Variants in CAPSL observed in about 807,000 individuals in gnomAD.
CAPSL encodes calcyphosine like.
Under a neutral mutation model 21.3 loss-of-function variants are expected in CAPSL, and 17 were observed. The observed-to-expected ratio is 0.80, with a 90% CI of 0.55 to 1.20. CAPSL has a LOEUF of 1.20. CAPSL is among the 50% of genes most tolerant of loss of function. The pLI, the probability that CAPSL is intolerant of heterozygous loss-of-function variation, is 0.00. For synonymous variants in CAPSL, 102 were observed against 89.3 expected (o/e 1.14, Z -0.80); for missense variants, 289 against 259.3 (o/e 1.11, Z -0.79).
rs780613084 is a variant in CAPSL at position 35,920,979 on chromosome 5, C to T, written c.137+5G>A. 1.9e-6 allele frequency: 3 copies of T among 1,613,494 alleles called. No individual in the cohort carries two copies. The highest frequency in any genetic ancestry group is 2.2e-5 in the South Asian group (2 of 91,018). On this transcript the variant is annotated splice_donor_5th_base_variant and intron_variant, in intron 2 of 4. Coordinates refer to ENST00000651391, the MANE Select transcript of CAPSL (RefSeq NM_001042625.2). ...CATTCCCTGCCACTTGTAGCTGGGT[C>T]CTACCTGCCAAGTCCTTTGATCCCA...
intron 1 of CAPSL, among the ~76,000 whole-genome samples, chr5:35,923,889 T>C (rs538312181): frequency 4.6e-5 from 7 of 152,342 alleles, no homozygotes; most frequent in South Asian, 2.1e-4. Context: ...ATTTATGTTA[T>C]GTGTATTCAT....
chr5:35,926,228 T>C (rs1738679825), intron 1 of CAPSL, among the ~76,000 whole-genome samples: 1 of 151,882 alleles, frequency 6.6e-6, no homozygotes, highest in Admixed American at 6.6e-5. Context: ...GAAGAAGAGA[T>C]AGGAGATGGC....
At chr5:35,933,847 A>T (rs988986064) in intron 1 of CAPSL, among the ~76,000 whole-genome samples, 5 of 152,216 alleles carry the variant, frequency 3.3e-5, no homozygotes, top group Admixed American at 2.6e-4. Flanking sequence ...AATATACAAG[A>T]ATTTTAAAAC....
chr5:35,912,483 A>T (rs1260111528), intron 2 of CAPSL, among the ~76,000 whole-genome samples: 1 of 152,146 alleles, frequency 6.6e-6, no homozygotes, highest in Non-Finnish European at 1.5e-5. Flanking sequence ...CTGACACCTC[A>T]CACGGCCAGG....
At chr5:35,918,827 G>A (rs1738457607) in intron 2 of CAPSL, among the ~76,000 whole-genome samples, 1 of 152,052 alleles carries the variant, frequency 6.6e-6, no homozygotes, top group Admixed American at 6.6e-5. Flanking sequence ...TGAAAACTTA[G>A]GAGCAAAGGA....
intron 1 of CAPSL, among the ~76,000 whole-genome samples, chr5:35,938,253 A>T (rs192528869): frequency 6.6e-6 from 1 of 152,254 alleles, no homozygotes; most frequent in Non-Finnish European, 1.5e-5. Context: ...CTAGTACCTA[A>T]TGACTGCTCA....
At chr5:35,913,484 G>A (rs936621341) in intron 2 of CAPSL, among the ~76,000 whole-genome samples, 2 of 152,132 alleles carry the variant, frequency 1.3e-5, no homozygotes, top group African/African-American at 2.4e-5. Context: ...ACAAAGGGAA[G>A]CCCATCAGAC....
At chr5:35,936,316 A>G (rs1738945289) in intron 1 of CAPSL, among the ~76,000 whole-genome samples, 1 of 152,106 alleles carries the variant, frequency 6.6e-6, no homozygotes, top group African/African-American at 2.4e-5. Context: ...ATTCTCAGCC[A>G]TCAGTTATGC....
At chr5:35,932,195 T>C (rs1738841399) in intron 1 of CAPSL, among the ~76,000 whole-genome samples, 1 of 152,068 alleles carries the variant, frequency 6.6e-6, no homozygotes, top group Non-Finnish European at 1.5e-5. Flanking sequence ...TCAGCGTAAA[T>C]CAGTGTATCA....
In CAPSL at chr5:35,916,758, A is replaced by T. The variant is rs1738398227; in HGVS notation, c.137+4226T>A. ...TACATGTTAGACCTAAAACCATAAA[A>T]ACCGTAGAAGAAAACCTAGGCAATA... On this transcript the variant is annotated intron_variant, in intron 2 of 4. Transcript: ENST00000651391. 2.0e-5 allele frequency among the ~76,000 whole-genome samples: 3 copies of T among 152,358 alleles called. No individual in the cohort carries two copies. In the South Asian group the frequency reaches 6.2e-4, roughly 32 times the overall value.
chr5:35,932,061 TA>T lies in CAPSL; in HGVS notation c.-1+6479del, dbSNP rs1738838999. Among the ~76,000 whole-genome samples the T allele has an allele frequency of 6.6e-5, 10 of 152,332 alleles. No homozygotes were observed. The South Asian group carries it at 1.9e-3, about 28-fold the overall frequency. On this transcript the variant is annotated intron_variant, in intron 1 of 4. Transcript: ENST00000651391. ...TTCTTTTGGAGTCATTTGTCTATTT[TA>T]ATGTTTATTTTATGGCCACCTAGAA... is the stretch of plus-strand genomic sequence containing the variant.
chr5:35,920,366 C>A lies in CAPSL; in HGVS notation c.137+618G>T, dbSNP rs888080191. ...TGTCCAATGCCTGGCCCATGGCAGG[C>A]TCTTGATGGAGTTTCTTATAATGCA... On this transcript the variant is annotated intron_variant, in intron 2 of 4. Coordinates refer to ENST00000651391, the MANE Select transcript of CAPSL (RefSeq NM_001042625.2). Among the ~76,000 whole-genome samples the A allele has an allele frequency of 9.2e-5, 14 of 152,292 alleles. No individual in the cohort carries two copies. In the East Asian group the frequency reaches 1.9e-3, roughly 21 times the overall value.
Position 35,938,610 on chromosome 5 carries a change from A to C in CAPSL, c.-70T>G, listed in dbSNP as rs1739016152. The C allele has an allele frequency of 6.5e-6, 1 of 153,178 alleles. No individual in the cohort carries two copies. The highest frequency in any genetic ancestry group is 1.5e-5 in the Non-Finnish European group (1 of 68,042). 9.5% of individuals were successfully genotyped at this position (153,178 alleles called of 1,614,324 possible). A position where few individuals can be genotyped will look rare whatever the true frequency, so the allele number is the denominator to read the frequency against. On this transcript the variant is annotated 5_prime_UTR_variant, in exon 1 of 5. Transcript: ENST00000651391. The stretch of plus-strand genomic sequence containing the variant: ...ATGGACGCTGTCTCCTGCATCTAGG[A>C]AAACTGGTCCCTCCCAAGCCACCTT...
chr5:35,923,274 G>A (rs192300051), intron 1 of CAPSL, among the ~76,000 whole-genome samples: 9 of 152,290 alleles, frequency 5.9e-5, no homozygotes, highest in Admixed American at 2.0e-4. Context: ...GAGAGAAAGT[G>A]AGATCCAGCT....
chr5:35,916,923 G>C (rs1227167452), intron 2 of CAPSL, among the ~76,000 whole-genome samples: 1 of 152,066 alleles, frequency 6.6e-6, no homozygotes, highest in Non-Finnish European at 1.5e-5. Context: ...TCAGAGTGAA[G>C]AGGCAACCTA....
At chr5:35,909,777 T>C in intron 4 of CAPSL, 89 bp downstream of exon 4, 3 of 1,036,432 alleles carry the variant, frequency 2.9e-6, no homozygotes, top group Non-Finnish European at 4.3e-6. Context: ...ATGGTATCAA[T>C]GTGTTAACAT....
chr5:35,924,209 C>A (rs1738609668), intron 1 of CAPSL, among the ~76,000 whole-genome samples: 1 of 152,190 alleles, frequency 6.6e-6, no homozygotes, highest in Non-Finnish European at 1.5e-5. Context: ...AATCCACATG[C>A]TGTTAGAACT....
At chr5:35,931,747 GAAAT>G (rs1197473248) in intron 1 of CAPSL, among the ~76,000 whole-genome samples, 2 of 152,198 alleles carry the variant, frequency 1.3e-5, no homozygotes, top group African/African-American at 4.8e-5. Flanking sequence ...GCAATATAGA[GAAAT>G]AAATAAATAA....
At chr5:35,914,324 T>A (rs988600221) in intron 2 of CAPSL, among the ~76,000 whole-genome samples, 1 of 152,014 alleles carries the variant, frequency 6.6e-6, no homozygotes, top group Non-Finnish European at 1.5e-5. Flanking sequence ...AACAAAGATA[T>A]CCAGGAATTG....
Sources: gnomAD v4.1 joint callset for allele counts (sites outside exome capture counted in the v4.1 genomes callset) on GRCh38, gnomAD v4.1.1 for gene constraint, MANE v1.5 for transcripts, NCBI Gene and HGNC (gene_info 2026-07-23, HGNC 2026-07-21) for gene names.